GMPR2: variants seen among roughly 807,000 people sequenced by gnomAD.
GMPR2 encodes guanosine monophosphate reductase 2.
A neutral mutation model predicts 38.5 loss-of-function variants in GMPR2; 32 were observed. The observed-to-expected ratio is 0.83, with a 90% CI of 0.63 to 1.12. The LOEUF is 1.12. Among genes scored for constraint, GMPR2 ranks in the 50% most tolerant of loss-of-function variants. The pLI is 0.00. For synonymous variants in GMPR2, 154 were observed against 151.0 expected (o/e 1.02, Z -0.15); for missense variants, 396 against 432.1 (o/e 0.92, Z 0.74).
At chr14:24,234,293 C>T in intron 3 of GMPR2, 1 of 1,205,088 alleles carries the variant, frequency 8.3e-7, no homozygotes, top group Non-Finnish European at 1.1e-6. Context: ...CTGGTTGATC[C>T]ATGTAGCCCT....
At chr14:24,234,276 C>T (rs1594519029) in intron 3 of GMPR2, 1 of 1,276,028 alleles carries the variant, frequency 7.8e-7, no homozygotes, top group African/African-American at 1.5e-5. Context: ...AGAACATATG[C>T]ACTCTGCTGG....
At chr14:24,237,786 A>C in intron 8 of GMPR2, 1 of 587,206 alleles carries the variant, frequency 1.7e-6, no homozygotes, top group Non-Finnish European at 3.0e-6. Context: ...ATTGCTGCAC[A>C]GTGCAGACTC....
intron 8 of GMPR2, chr14:24,238,015 C>T: frequency 1.9e-6 from 1 of 513,218 alleles, no homozygotes; most frequent in Admixed American, 3.6e-5. Flanking sequence ...AAAAGCCAGG[C>T]AGGGACTCTC....
At position 24,233,206 on chromosome 14, in the gene GMPR2, TC is replaced by T; in HGVS notation, c.-35-11del. 2 of 1,613,146 alleles carry T rather than the reference TC, an allele frequency of 1.2e-6. No individual in the cohort carries two copies. Among genetic ancestry groups the T allele is most frequent in the Non-Finnish European group, 1.7e-6 (2 of 1,180,014 alleles). ...CAGGGGAAGATTGGTCCTTATGACTTCCTGCCTTCCAGCCCTCAGATTCATC... is the reference window on the plus strand; with the variant it reads ...CAGGGGAAGATTGGTCCTTATGACTTCTGCCTTCCAGCCCTCAGATTCATC... On this transcript the variant is annotated splice_polypyrimidine_tract_variant and intron_variant, in intron 1 of 9. Coordinates refer to ENST00000399440, the MANE Select transcript of GMPR2 (RefSeq NM_001002002.3).
chr14:24,234,004 G>T, intron 3 of GMPR2: 1 of 904,770 alleles, frequency 1.1e-6, no homozygotes, highest in Non-Finnish European at 1.6e-6. Flanking sequence ...ATCCTAACTA[G>T]AAGATCCTAG....
intron 3 of GMPR2, 124 bp downstream of exon 3, chr14:24,233,722 AT>A: frequency 9.0e-7 from 1 of 1,116,692 alleles, no homozygotes; most frequent in South Asian, 1.3e-5. Context: ...GGATGCTCTG[AT>A]TTACGGTTTT....
chr14:24,233,501 C>A lies in GMPR2; in HGVS notation c.110C>A (p.Ser37Ter), dbSNP rs1298457565. 3.1e-6 allele frequency: 5 copies of A among 1,613,966 alleles called. No individual in the cohort carries two copies. Among genetic ancestry groups the A allele is most frequent in the Non-Finnish European group, 4.2e-6 (5 of 1,179,898 alleles). ...CAGGTGGATCTCACAAGATCCTTTT[C>A]ATTTCGGAACTCAAAGCAGACATAC... Reference protein sequence around the residue: ...RSEVDLTRSFSFRNSKQTYSG... With the variant: ...RSEVDLTRSF The change falls in exon 3 of 10, where the codon TCA becomes TAA. Residue 37 changes from serine (S) to a stop codon, truncating the protein, a stop_gained. Coordinates refer to ENST00000399440, the MANE Select transcript of GMPR2 (RefSeq NM_001002002.3). LOFTEE classifies it high-confidence loss of function.
In GMPR2 at chr14:24,233,521, A is replaced by T; in HGVS notation, c.130A>T (p.Thr44Ser). Residue 44 changes from threonine to serine, a missense_variant, in exon 3 of 10, where the codon ACA becomes TCA. Physicochemically the swap from Thr to Ser is moderately conservative, Grantham distance 58. Coordinates refer to ENST00000399440, the MANE Select transcript of GMPR2 (RefSeq NM_001002002.3). ...RSFSFRNSKQ[T>S]YSGVPIIAAN... ...CTTTTCATTTCGGAACTCAAAGCAG[A>T]CATACTCTGGGGTTCCCATCATTGC... 1 of 1,614,060 alleles carries T rather than the reference A, an allele frequency of 6.2e-7. No individual in the cohort carries two copies. The highest frequency in any genetic ancestry group is 1.1e-5 in the South Asian group (1 of 91,074).
At chr14:24,234,277 A>G in intron 3 of GMPR2, 2 of 1,275,766 alleles carry the variant, frequency 1.6e-6, no homozygotes, top group East Asian at 5.6e-5. Context: ...GAACATATGC[A>G]CTCTGCTGGT....
At chr14:24,236,991 A>G (rs2138971003) in intron 5 of GMPR2, 80 bp from the exon 6 acceptor site, 1 of 1,043,038 alleles carries the variant, frequency 9.6e-7, no homozygotes, top group Non-Finnish European at 1.5e-6. Context: ...TTGGAAAGTC[A>G]TGGTCCATGC....
At position 24,238,810 on chromosome 14, in the gene GMPR2, G is replaced by T; in HGVS notation, c.*32G>T. 1 of 1,591,702 alleles carries T rather than the reference G, an allele frequency of 6.3e-7. No individual in the cohort carries two copies. Among genetic ancestry groups the T allele is most frequent in the Non-Finnish European group, 8.6e-7 (1 of 1,166,220 alleles). ...GCAGTTCTACCCTCCCAAGGCACCA[G>T]TACTCTACCATGGGGCATCCCAAGT... On this transcript the variant is annotated 3_prime_UTR_variant, in exon 10 of 10. Transcript: ENST00000399440.
intron 9 of GMPR2, 68 bp from the exon 10 acceptor site, chr14:24,238,521 T>C (rs765612153): frequency 6.2e-7 from 1 of 1,613,684 alleles, no homozygotes; most frequent in East Asian, 2.2e-5. Context: ...AATGCTAGGG[T>C]CTGTGGAAAA....
chr14:24,238,175 T>C, intron 8 of GMPR2, 71 bp from the exon 9 acceptor site: 1 of 1,341,092 alleles, frequency 7.5e-7, no homozygotes, highest in Non-Finnish European at 1.0e-6. Context: ...ATGGTGTGAG[T>C]TGCTTTTGAG....
At chr14:24,233,835 AT>A (rs2040204139) in intron 3 of GMPR2, 4 of 610,880 alleles carry the variant, frequency 6.5e-6, no homozygotes, top group East Asian at 3.0e-5. Context: ...TATGAACAGA[AT>A]TTTCCCTTTT....
chr14:24,238,613 A>C lies in GMPR2; in HGVS notation c.882A>C (p.Glu294Asp), dbSNP rs1291808108. ...GAGCCTCAGAGGGAAAGACAGTGGA[A>C]GTTCCTTTTAAAGGAGATGTGGAAC... ...EYRASEGKTVEVPFKGDVEHT... is the reference protein window; with the variant it reads ...EYRASEGKTVDVPFKGDVEHT... Residue 294 changes from glutamate to aspartate, a missense_variant, in exon 10 of 10, where the codon GAA becomes GAC. Transcript: ENST00000399440. The C allele has an allele frequency of 1.2e-6, 2 of 1,614,030 alleles. No individual in the cohort carries two copies. Among genetic ancestry groups the C allele is most frequent in the South Asian group, 2.2e-5 (2 of 91,086 alleles).
rs560580144 is a variant in GMPR2, at chr14:24,232,963, A to C, written c.-50A>C. 1 of 550,780 alleles carries C rather than the reference A, an allele frequency of 1.8e-6. No individual in the cohort carries two copies. The highest frequency in any genetic ancestry group is 2.2e-5 in the South Asian group (1 of 44,886). The allele number at this position is 550,780 out of a possible 1,614,324, so 34.1% of individuals were successfully genotyped here. A position where few individuals can be genotyped will look rare whatever the true frequency, so the allele number is the denominator to read the frequency against. ...CATTGCTCTTTGCAGGGGTAGAAGA[A>C]GGAAGTGTAGCGGGGTAAGGAATGC... On this transcript the variant is annotated 5_prime_UTR_variant, in exon 1 of 10. Transcript: ENST00000399440.
chr14:24,233,412 G>C (rs1046025760), intron 2 of GMPR2, 67 bp from the exon 3 acceptor site: 5 of 1,609,002 alleles, frequency 3.1e-6, no homozygotes, highest in Non-Finnish European at 4.3e-6. Context: ...AAAGATGCCT[G>C]TCCTTGTCCT....
In GMPR2 at chr14:24,238,977, C is replaced by T. The variant is rs1360216595; in HGVS notation, c.*199C>T. 3.0e-6 allele frequency: 2 copies of T among 664,252 alleles called. No individual in the cohort carries two copies. Among genetic ancestry groups the T allele is most frequent in the South Asian group, 1.5e-5 (1 of 66,402 alleles). 41.1% of individuals were successfully genotyped at this position (664,252 alleles called of 1,614,324 possible). A position where few individuals can be genotyped will look rare whatever the true frequency, so the allele number is the denominator to read the frequency against. The stretch of plus-strand genomic sequence containing the variant: ...CCCAAGGCACTCACTGGGGAGGAAG[C>T]AAGGAAGCAAACAGTCTGAGAAAAT... On this transcript the variant is annotated 3_prime_UTR_variant, in exon 10 of 10. Coordinates refer to ENST00000399440, the MANE Select transcript of GMPR2 (RefSeq NM_001002002.3).
intron 8 of GMPR2, chr14:24,237,825 C>T (rs1241507152): frequency 3.6e-6 from 2 of 548,958 alleles, no homozygotes; most frequent in Non-Finnish European, 3.2e-6. Context: ...TAAAAATAGG[C>T]TCTGAGGAAT....
Sources: allele counts gnomAD v4.1 joint callset, GRCh38; gene constraint gnomAD v4.1.1; transcripts MANE v1.5; gene names NCBI Gene and HGNC (gene_info 2026-07-23, HGNC 2026-07-21).